FOXP2: variants seen among roughly 807,000 people sequenced by gnomAD.
The protein encoded by FOXP2 is forkhead box P2.
In FOXP2, 12 loss-of-function variants were observed where a neutral mutation model predicts 115.8. That is an observed-to-expected ratio of 0.10 (90% CI 0.07 to 0.17). FOXP2 has a LOEUF of 0.17. Ranked by LOEUF, FOXP2 falls within the 10% of genes least tolerant of loss-of-function variation. The pLI is 1.00. For missense variants in FOXP2, 629 were observed against 843.5 expected, an observed-to-expected ratio of 0.75 and a Z score of 3.15; for synonymous variants, 328 against 297.7, an observed-to-expected ratio of 1.10 and a Z score of -1.05.
In FOXP2 at chr7:114,327,687, A is replaced by G. The variant is rs530185842; in HGVS notation, c.-11+39578A>G. Among the ~76,000 whole-genome samples the G allele has an allele frequency of 1.1e-4, 17 of 151,850 alleles. No individual in the cohort carries two copies. In the East Asian group the frequency reaches 1.6e-3, roughly 14 times the overall value. ...CAGCTAATTTTTGTATTTTTAGTAGAGACAGGGTTTGACTATTTTGGCCAG... is the reference window on the plus strand; with the variant it reads ...CAGCTAATTTTTGTATTTTTAGTAGGGACAGGGTTTGACTATTTTGGCCAG... On this transcript the variant is annotated intron_variant, in intron 2 of 17. Coordinates refer to the FOXP2 transcript ENST00000634411.
chr7:114,333,523 C>A (rs1797765994), intron 2 of FOXP2, among the ~76,000 whole-genome samples: 1 of 152,176 alleles, frequency 6.6e-6, no homozygotes, highest in African/African-American at 2.4e-5. Context: ...AAGGCCGAGG[C>A]GGGCCGATCA....
At chr7:114,354,691 C>T (rs942145228) in intron 2 of FOXP2, among the ~76,000 whole-genome samples, 1 of 152,028 alleles carries the variant, frequency 6.6e-6, no homozygotes, top group Non-Finnish European at 1.5e-5. Flanking sequence ...TTTCTTCTCC[C>T]TCCCCCTATA....
At chr7:114,243,986 G>A (rs886928546) in intron 1 of FOXP2, among the ~76,000 whole-genome samples, 14 of 151,934 alleles carry the variant, frequency 9.2e-5, no homozygotes, top group African/African-American at 2.9e-4. Flanking sequence ...AGTTTTATAG[G>A]TTATTCTTTT....
chr7:114,516,401 A>G (rs982676057), intron 2 of FOXP2, among the ~76,000 whole-genome samples: 14 of 152,328 alleles, frequency 9.2e-5, no homozygotes, highest in African/African-American at 3.1e-4. Context: ...CCTTATACAA[A>G]AATTAATTCA....
chr7:114,231,881 C>G (rs1794883630), intron 1 of FOXP2, among the ~76,000 whole-genome samples: 1 of 152,086 alleles, frequency 6.6e-6, no homozygotes, highest in African/African-American at 2.4e-5. Flanking sequence ...CTGCATTAAA[C>G]TAAAAAGTTT....
chr7:114,184,770 A>G (rs1301987138), intron 1 of FOXP2, among the ~76,000 whole-genome samples: 1 of 152,240 alleles, frequency 6.6e-6, no homozygotes, highest in African/African-American at 2.4e-5. Context: ...GCTGTAATAT[A>G]TATGCAAAAC....
intron 3 of FOXP2, among the ~76,000 whole-genome samples, chr7:114,573,621 CAT>C (rs140891084): frequency 0.03 from 4,595 of 151,810 alleles, 214 homozygotes; most frequent in African/African-American, 0.1. Flanking sequence ...TAATGTCACA[CAT>C]ATTATTTCTG....
rs901542076 is a variant in FOXP2, at chr7:114,478,119, A to C, written c.168+51440A>C. ...GTGTTTTTAAAAACAAAGAGCATCT[A>C]AGGAAAAATAGATAAAGTTATTAAG... On this transcript the variant is annotated intron_variant, in intron 2 of 16. Transcript: ENST00000350908. Among the ~76,000 whole-genome samples, 3 of 151,918 alleles carry C rather than the reference A, an allele frequency of 2.0e-5. No individual in the cohort carries two copies. In the East Asian group the frequency reaches 5.8e-4, roughly 29 times the overall value.
chr7:114,089,594 C>T (rs529828732), intron 1 of FOXP2, among the ~76,000 whole-genome samples: 18 of 151,630 alleles, frequency 1.2e-4, no homozygotes, highest in African/African-American at 4.1e-4. Flanking sequence ...ATGGTTGTAC[C>T]TGAATAAGCT....
chr7:114,432,355 A>G (rs1794147351), intron 2 of FOXP2, among the ~76,000 whole-genome samples: 1 of 151,998 alleles, frequency 6.6e-6, no homozygotes, highest in Non-Finnish European at 1.5e-5. Flanking sequence ...GCCCTTGAGC[A>G]TAATTTAGAA....
Position 114,642,541 on chromosome 7 carries a change from A to G in FOXP2, c.907A>G (p.Asn303Asp). The part of the protein sequence containing the change: ...TNNSSSTTSS[N>D]TSKASPPITH... Reference sequence around the variant, plus strand: ...CAATTCCTCCTCGACTACCTCCTCCAACACTTCCAAAGCATCACCACCAAT... The same window carrying G: ...CAATTCCTCCTCGACTACCTCCTCCGACACTTCCAAAGCATCACCACCAAT... Residue 303 changes from asparagine (N) to aspartate (D), a missense_variant, in exon 7 of 17, where the codon AAC (asparagine) becomes GAC (aspartate). Asn to Asp is a conservative substitution (Grantham distance 23). Around this residue, in one of 9 missense-constraint regions of FOXP2, gnomAD observed 92 missense variants for 80.1 expected, o/e 1.15. Coordinates refer to ENST00000350908, the MANE Select transcript of FOXP2 (RefSeq NM_014491.4). The G allele has an allele frequency of 6.2e-7, 1 of 1,613,826 alleles. No homozygotes were observed. The highest frequency in any genetic ancestry group is 1.1e-5 in the South Asian group (1 of 91,074).
intron 1 of FOXP2, among the ~76,000 whole-genome samples, chr7:114,279,463 G>C (rs1489206659): frequency 6.6e-6 from 1 of 152,066 alleles, no homozygotes; most frequent in East Asian, 1.9e-4. Context: ...TCACATACTT[G>C]AAAATACTTT....
Position 114,517,544 on chromosome 7 carries a change from G to T in FOXP2, c.169-17073G>T, listed in dbSNP as rs556389380. On this transcript the variant is annotated intron_variant, in intron 2 of 16. Coordinates refer to ENST00000350908, the MANE Select transcript of FOXP2 (RefSeq NM_014491.4). ...CTGCATATCCAGAAGATATCTAGTG[G>T]ATATATGCAGTTTCCCTGTACCATT... Among the ~76,000 whole-genome samples, 4 of 152,238 alleles carry T rather than the reference G, an allele frequency of 2.6e-5. No homozygotes were observed. In the South Asian group the frequency reaches 8.3e-4, roughly 32 times the overall value.
At chr7:114,664,236 T>G (rs759801983) in intron 15 of FOXP2, 37 bp from the exon 16 acceptor site, 1 of 1,609,080 alleles carries the variant, frequency 6.2e-7, no homozygotes, top group Non-Finnish European at 8.5e-7. Context: ...TTAAATGCCA[T>G]TTTGAAAGTT....
chr7:114,123,471 T>C (rs1791623346), intron 1 of FOXP2, among the ~76,000 whole-genome samples: 1 of 152,040 alleles, frequency 6.6e-6, no homozygotes. Flanking sequence ...ATATTGATTT[T>C]TAAAGCAAAA....
At chr7:114,252,926 A>G (rs1795491829) in intron 1 of FOXP2, among the ~76,000 whole-genome samples, 2 of 152,088 alleles carry the variant, frequency 1.3e-5, no homozygotes, top group Admixed American at 1.3e-4. Flanking sequence ...TCTTGTGGGC[A>G]TTTAGTGCTA....
At chr7:114,403,820 A>T (rs937758977) in intron 2 of FOXP2, among the ~76,000 whole-genome samples, 1 of 152,198 alleles carries the variant, frequency 6.6e-6, no homozygotes, top group African/African-American at 2.4e-5. Context: ...ATTTTAATAG[A>T]TATACAAGAA....
intron 1 of FOXP2, among the ~76,000 whole-genome samples, chr7:114,152,786 T>C (rs1451902943): frequency 6.6e-6 from 1 of 152,094 alleles, no homozygotes; most frequent in African/African-American, 2.4e-5. Context: ...TCATTGACCG[T>C]AGGGTAGTTC....
chr7:114,390,023 C>CAAAAAAAAA (rs11311566), intron 2 of FOXP2, among the ~76,000 whole-genome samples: 2 of 93,192 alleles, frequency 2.1e-5, no homozygotes, highest in Non-Finnish European at 4.0e-5. Context: ...CATTCAGTGT[C>CAAAAAAAAA]AAAAAAAAAA....
Sources: gnomAD v4.1 joint callset for allele counts (sites outside exome capture counted in the v4.1 genomes callset) on GRCh38, gnomAD v4.1.1 for gene constraint, gnomAD v4.1.1 regional missense constraint, MANE v1.5 for transcripts, NCBI Gene and HGNC (gene_info 2026-07-23, HGNC 2026-07-21) for gene names.